The following UNC93A variants were observed in gnomAD, a reference collection of about 807,000 sequenced individuals.
The protein encoded by UNC93A is N-acetylglucosamine transporter UNC93A.
In UNC93A, 43 loss-of-function variants were observed where a neutral mutation model predicts 47.5. That is an observed-to-expected ratio of 0.91 (90% confidence interval 0.71 to 1.17). UNC93A has a LOEUF of 1.17. Ranked by LOEUF, UNC93A falls within the 50% of genes most tolerant of loss-of-function variation. The probability of loss-of-function intolerance (pLI) is 0.00; values close to 1 mark genes in which losing one functional copy is unlikely to be tolerated. For synonymous variants in UNC93A, 280 were observed against 258.0 expected (o/e 1.09, Z -0.82); for missense variants, 605 against 577.6 (o/e 1.05, Z -0.49).
chr6:167,276,162 TCATGTGGC>T (rs1783539926), intron 1 of UNC93A, among the ~76,000 whole-genome samples: 1 of 152,060 alleles, frequency 6.6e-6, no homozygotes, highest in African/African-American at 2.4e-5. Context: ...CCAGTTCCAT[TCATGTGGC>T]CACAATGACA....
chr6:167,275,388 G>A (rs1043433949), intron 1 of UNC93A, among the ~76,000 whole-genome samples: 20 of 152,172 alleles, frequency 1.3e-4, no homozygotes, highest in Non-Finnish European at 1.9e-4. Context: ...ACACCCTTCC[G>A]TTTCCCTAAT....
upstream of UNC93A, among the ~76,000 whole-genome samples, chr6:167,269,581 A>G (rs4710230): frequency 0.2 from 31,142 of 152,078 alleles, 3,440 homozygotes; most frequent in South Asian, 0.29. Flanking sequence ...TTTTACTACC[A>G]TAATGGCACT....
At chr6:167,304,194 G>A in intron 5 of UNC93A, 61 bp downstream of exon 5, 1 of 1,581,844 alleles carries the variant, frequency 6.3e-7, no homozygotes, top group Non-Finnish European at 8.7e-7. Flanking sequence ...CCTTGCCTGT[G>A]TCTGTACCTG....
chr6:167,290,046 C>T (rs143760894), upstream of UNC93A, among the ~76,000 whole-genome samples: 3 of 152,204 alleles, frequency 2.0e-5, no homozygotes, highest in African/African-American at 7.2e-5. Flanking sequence ...TAGGGGCTTT[C>T]AAAATTATCC....
upstream of UNC93A, among the ~76,000 whole-genome samples, chr6:167,290,405 G>A (rs143890708): frequency 5.3e-5 from 8 of 152,286 alleles, no homozygotes; most frequent in East Asian, 1.5e-3. Flanking sequence ...AGACTTACCT[G>A]CGAGATTTGC....
upstream of UNC93A, among the ~76,000 whole-genome samples, chr6:167,289,041 C>T (rs528450034): frequency 6.8e-4 from 103 of 152,416 alleles, no homozygotes; most frequent in African/African-American, 2.4e-3. Context: ...ATCCTTTACA[C>T]GTACCCGTCT....
intron 1 of UNC93A, 65 bp downstream of exon 1, chr6:167,291,641 A>G: frequency 5.5e-6 from 8 of 1,462,786 alleles, no homozygotes; most frequent in Non-Finnish European, 7.5e-6. Context: ...GTGGTCACAG[A>G]CAATAATGAA....
At chr6:167,289,243 T>C (rs1290444613), upstream of UNC93A, among the ~76,000 whole-genome samples, 1 of 152,242 alleles carries the variant, frequency 6.6e-6, no homozygotes, top group African/African-American at 2.4e-5. Context: ...TCGGGTAAGA[T>C]AAGAGTGTCC....
intron 4 of UNC93A, among the ~76,000 whole-genome samples, chr6:167,300,319 T>C (rs1778207998): frequency 6.6e-6 from 1 of 152,120 alleles, no homozygotes; most frequent in South Asian, 2.1e-4. Flanking sequence ...GGACCCCTGG[T>C]TCAGCAACAC....
intron 1 of UNC93A, among the ~76,000 whole-genome samples, chr6:167,285,307 A>C (rs1173537424): frequency 6.6e-6 from 1 of 151,886 alleles, no homozygotes; most frequent in East Asian, 2.0e-4. Flanking sequence ...AATTCGGGAA[A>C]TACTTCTGAG....
chr6:167,298,084 C>A lies in UNC93A; in HGVS notation c.625+14C>A, dbSNP rs376178377. 1.9e-6 allele frequency: 3 copies of A among 1,612,136 alleles called. No homozygotes were observed. The African/African-American group carries it at 4.0e-5, about 22-fold the overall frequency. On this transcript the variant is annotated intron_variant, in intron 4 of 7. Coordinates refer to ENST00000230256, the MANE Select transcript of UNC93A (RefSeq NM_018974.4). ...GCATCTACACTGGTACGAGCTCCATCGGCCCAGGGCAGGGTCCCTAGCAAA... is the reference window on the plus strand; with the variant it reads ...GCATCTACACTGGTACGAGCTCCATAGGCCCAGGGCAGGGTCCCTAGCAAA...
At chr6:167,292,984 T>TTGGAAGCCA in intron 1 of UNC93A, among the ~76,000 whole-genome samples, 1 of 152,218 alleles carries the variant, frequency 6.6e-6, no homozygotes, top group South Asian at 2.1e-4. Context: ...AGCCACTGTC[T>TTGGAAGCCA]GAAAATTGGC....
intron 4 of UNC93A, among the ~76,000 whole-genome samples, chr6:167,300,649 G>A (rs183400642): frequency 2.3e-4 from 35 of 152,268 alleles, no homozygotes; most frequent in East Asian, 1.7e-3. Flanking sequence ...TGCTGACTTG[G>A]AATTGTGGTC....
intron 7 of UNC93A, among the ~76,000 whole-genome samples, chr6:167,313,744 A>T (rs776906112): frequency 6.6e-6 from 1 of 152,094 alleles, no homozygotes; most frequent in Non-Finnish European, 1.5e-5. Context: ...ACATGGCATG[A>T]TCTACCACTT....
At chr6:167,295,488 C>T (rs1285712884) in intron 2 of UNC93A, among the ~76,000 whole-genome samples, 1 of 88,326 alleles carries the variant, frequency 1.1e-5, no homozygotes, top group Admixed American at 1.0e-4. Flanking sequence ...TCGTGAACCT[C>T]GCCTCCCTCG....
chr6:167,300,337 C>T (rs1047436825), intron 4 of UNC93A, among the ~76,000 whole-genome samples: 34 of 152,282 alleles, frequency 2.2e-4, no homozygotes, highest in African/African-American at 7.7e-4. Context: ...CACTGAGGGC[C>T]AGGCAGACAA....
chr6:167,299,681 G>A (rs1778186734), intron 4 of UNC93A, among the ~76,000 whole-genome samples: 1 of 152,202 alleles, frequency 6.6e-6, no homozygotes, highest in South Asian at 2.1e-4. Flanking sequence ...CGGAGTTTCA[G>A]GAAAGCCTCC....
At position 167,294,827 on chromosome 6, in the gene UNC93A, G is replaced by C. The variant is rs946295229; in HGVS notation, c.269+129G>C. On this transcript the variant is annotated intron_variant, in intron 2 of 7. Coordinates refer to ENST00000230256, the MANE Select transcript of UNC93A (RefSeq NM_018974.4). ...CAGGCATTTTAAAATGAGCTCTCCT[G>C]CCCCTGCACCCCCGCCTCGCTTTGG... The C allele has an allele frequency of 3.8e-5, 39 of 1,024,526 alleles. 1 individual carries two copies. The African/African-American group carries it at 6.4e-4, about 17-fold the overall frequency. The allele number at this position is 1,024,526 out of a possible 1,614,324, so 63.5% of individuals were successfully genotyped here. A position where few individuals can be genotyped will look rare whatever the true frequency, so the allele number is the denominator to read the frequency against.
chr6:167,308,014 G>T, intron 7 of UNC93A, 104 bp downstream of exon 7: 1 of 1,492,010 alleles, frequency 6.7e-7, no homozygotes, highest in Non-Finnish European at 9.0e-7. Flanking sequence ...AGCCAAGAGA[G>T]ATGAGTTGGG....
Sources: allele counts gnomAD v4.1 joint callset (sites outside exome capture counted in the v4.1 genomes callset), GRCh38; gene constraint gnomAD v4.1.1; transcripts MANE v1.5; gene names NCBI Gene and HGNC (gene_info 2026-07-23, HGNC 2026-07-21).